AFAP1L2: variants seen among roughly 807,000 people sequenced by gnomAD.
The protein encoded by AFAP1L2 is actin filament associated protein 1 like 2, also known as actin filament-associated protein 1-like 2.
Under a neutral mutation model 99.3 loss-of-function variants are expected in AFAP1L2, and 46 were observed. That is an observed-to-expected ratio of 0.46 (90% CI 0.37 to 0.59). The LOEUF (loss-of-function observed/expected upper bound fraction) is 0.59. Among genes scored for constraint, AFAP1L2 ranks in the 20% least tolerant of loss-of-function variants. The pLI, the probability that AFAP1L2 is intolerant of heterozygous loss-of-function variation, is 0.00. For missense variants in AFAP1L2, 959 were observed against 1,034.9 expected (o/e 0.93, Z 1.01); for synonymous variants, 397 against 419.1 (o/e 0.95, Z 0.64).
rs1175584943 is a variant in AFAP1L2 at position 114,404,448 on chromosome 10, C to G, written c.8G>C (p.Arg3Pro). The G allele has an allele frequency of 1.9e-6, 3 of 1,541,894 alleles. No individual in the cohort carries two copies. The highest frequency in any genetic ancestry group is 2.6e-6 in the Non-Finnish European group (3 of 1,145,894). The change falls in exon 1 of 19, where the codon CGG becomes CCG. Residue 3 changes from arginine (R) to proline (P), a missense_variant. Physicochemically the swap from Arg to Pro is moderately radical, Grantham distance 103. Coordinates refer to ENST00000304129, the MANE Select transcript of AFAP1L2 (RefSeq NM_001001936.3). Reference sequence around the variant, plus strand: ...GGAACCCGCGCCCTCACCTTTGTACCGCTCCATCGGGGCCACGGAGTGCGC... The same window carrying G: ...GGAACCCGCGCCCTCACCTTTGTACGGCTCCATCGGGGCCACGGAGTGCGC... The part of the protein sequence containing the change: ME[R>P]YKALEQLLTE...
intron 4 of AFAP1L2, among the ~76,000 whole-genome samples, chr10:114,331,503 C>CTGT (rs2047224782): frequency 6.6e-6 from 1 of 152,102 alleles, no homozygotes; most frequent in Non-Finnish European, 1.5e-5. Context: ...GGCTGGTGAC[C>CTGT]ACAGCTGTTC....
chr10:114,369,611 A>C (rs9420152), intron 1 of AFAP1L2, among the ~76,000 whole-genome samples: 24,292 of 149,200 alleles, frequency 0.16, 2,570 homozygotes, highest in Non-Finnish European at 0.23. Flanking sequence ...AAAAAAAAAA[A>C]AAAACTTTTT....
intron 4 of AFAP1L2, among the ~76,000 whole-genome samples, chr10:114,331,175 A>C (rs924143253): frequency 6.6e-6 from 1 of 152,196 alleles, no homozygotes; most frequent in Non-Finnish European, 1.5e-5. Flanking sequence ...ATGTTTAATA[A>C]GAACTACTGG....
chr10:114,364,384 A>G (rs1198823190), intron 1 of AFAP1L2, among the ~76,000 whole-genome samples: 1 of 151,910 alleles, frequency 6.6e-6, no homozygotes, highest in Non-Finnish European at 1.5e-5. Flanking sequence ...ACAGGGTCCC[A>G]CTCCCTCTGG....
the AFAP1L2 span, among the ~76,000 whole-genome samples, chr10:114,287,654 A>G: frequency 6.6e-6 from 1 of 152,158 alleles, no homozygotes; most frequent in East Asian, 1.9e-4. Flanking sequence ...AGGCTGGTCT[A>G]AGTGCTTTTG....
chr10:114,289,158 C>T, the AFAP1L2 span: 52 of 1,613,826 alleles, frequency 3.2e-5, 1 homozygote, highest in Admixed American at 6.8e-4. Context: ...TGCTGCGGGC[C>T]ATTAGCCAGG....
In AFAP1L2 at chr10:114,296,929, T is replaced by G. The variant is rs763408112; in HGVS notation, c.2430+49A>C. On this transcript the variant is annotated intron_variant, in intron 18 of 18. Coordinates refer to ENST00000304129, the MANE Select transcript of AFAP1L2 (RefSeq NM_001001936.3). ...CTGGGTCAGAAGATGGGCCCCTACC[T>G]TAGTGACATTTCTGCTGGCCCCAAG... is the stretch of plus-strand genomic sequence containing the variant. 3.1e-6 allele frequency: 5 copies of G among 1,613,358 alleles called. No homozygotes were observed. In the South Asian group the frequency reaches 5.5e-5, roughly 18 times the overall value.
intron 1 of AFAP1L2, among the ~76,000 whole-genome samples, chr10:114,360,489 A>ATAGATAGAT (rs771078387): frequency 9.3e-6 from 1 of 107,944 alleles, no homozygotes; most frequent in Non-Finnish European, 1.9e-5. Flanking sequence ...CAATATCTAG[A>ATAGATAGAT]TAGATAGATA....
chr10:114,317,693 T>TA (rs1256008104), intron 5 of AFAP1L2, among the ~76,000 whole-genome samples: 2 of 151,846 alleles, frequency 1.3e-5, no homozygotes, highest in African/African-American at 2.4e-5. Context: ...ACCCCATCTC[T>TA]AAAAAAAATA....
intron 5 of AFAP1L2, among the ~76,000 whole-genome samples, chr10:114,318,584 CA>C (rs1468290485): frequency 2.1e-4 from 32 of 149,556 alleles, no homozygotes; most frequent in Non-Finnish European, 4.2e-4. Flanking sequence ...TCTAAAAATA[CA>C]AAAAAAAATT....
chr10:114,314,490 A>G lies in AFAP1L2; in HGVS notation c.613-440T>C, dbSNP rs141301105. ...CAAAAACTAAGCCTCTTATCTGCCT[A>G]GTTAGGAAGATGATGTATTAACAAA... On this transcript the variant is annotated intron_variant, in intron 6 of 18. Coordinates refer to ENST00000304129, the MANE Select transcript of AFAP1L2 (RefSeq NM_001001936.3). Among the ~76,000 whole-genome samples the G allele has an allele frequency of 1.9e-3, 291 of 152,312 alleles. 2 individuals are homozygous for G. The highest frequency in any genetic ancestry group is 6.8e-3 in the African/African-American group (283 of 41,574).
chr10:114,362,663 G>A (rs918347579), intron 1 of AFAP1L2, among the ~76,000 whole-genome samples: 4 of 152,062 alleles, frequency 2.6e-5, no homozygotes, highest in East Asian at 1.9e-4. Flanking sequence ...ATAAGCTGTC[G>A]TGGTCATTTG....
chr10:114,375,542 G>GTAC (rs1221779716), intron 1 of AFAP1L2, among the ~76,000 whole-genome samples: 2 of 152,054 alleles, frequency 1.3e-5, no homozygotes, highest in African/African-American at 4.8e-5. Flanking sequence ...TTTTTAGTGG[G>GTAC]GGTAACATTT....
chr10:114,318,339 T>C (rs2044476088), intron 5 of AFAP1L2, among the ~76,000 whole-genome samples: 1 of 152,198 alleles, frequency 6.6e-6, no homozygotes, highest in African/African-American at 2.4e-5. Context: ...TTGCCCCACA[T>C]GTTTCATGAA....
At chr10:114,290,160 A>C, downstream of AFAP1L2, 1 of 1,522,612 alleles carries the variant, frequency 6.6e-7, no homozygotes, top group Admixed American at 2.0e-5. Flanking sequence ...TTGCACCTCT[A>C]CTGGGCTTAC....
rs932727349 is a variant in AFAP1L2 at position 114,300,270 on chromosome 10, G to A, written c.1881C>T (p.Ser627=). 2.5e-6 allele frequency: 4 copies of A among 1,614,042 alleles called. No homozygotes were observed. The highest frequency in any genetic ancestry group is 2.7e-5 in the African/African-American group (2 of 74,920). ...GGGTGGCCACCACGGCATCCGGGCA[G>A]CTCGGTGGGAAGGAGATTCTCTGCT... is the stretch of plus-strand genomic sequence containing the variant. The part of the protein sequence containing the change: ...TEQQRISFPP[S]CPDAVVATPP... The change falls in exon 15 of 19, where the codon AGC becomes AGT. Residue 627 remains serine (S), a synonymous_variant. Coordinates refer to ENST00000304129, the MANE Select transcript of AFAP1L2 (RefSeq NM_001001936.3).
intron 1 of AFAP1L2, among the ~76,000 whole-genome samples, chr10:114,386,214 G>A (rs540213637): frequency 6.6e-6 from 1 of 152,204 alleles, no homozygotes; most frequent in African/African-American, 2.4e-5. Flanking sequence ...GGGGAAATGA[G>A]GGAAATGATG....
At chr10:114,383,463 A>C (rs1475030500) in intron 1 of AFAP1L2, among the ~76,000 whole-genome samples, 2 of 152,172 alleles carry the variant, frequency 1.3e-5, no homozygotes, top group Admixed American at 6.5e-5. Flanking sequence ...AGAGTGTAAC[A>C]CATCCCTGAT....
chr10:114,304,964 G>A, intron 10 of AFAP1L2, 34 bp from the exon 11 acceptor site: 1 of 1,581,410 alleles, frequency 6.3e-7, no homozygotes, highest in South Asian at 1.1e-5. Context: ...GGAGGGGACA[G>A]GGCTGCAGGA....
Sources: gnomAD v4.1 joint callset for allele counts (sites outside exome capture counted in the v4.1 genomes callset) on GRCh38, gnomAD v4.1.1 for gene constraint, MANE v1.5 for transcripts, NCBI Gene and HGNC (gene_info 2026-07-23, HGNC 2026-07-21) for gene names.